The following GRPR variants were observed in gnomAD, a reference collection of about 807,000 sequenced individuals.
GRPR encodes gastrin-releasing peptide receptor.
Under a neutral mutation model 15.6 loss-of-function variants are expected in GRPR, and 4 were observed. That is an observed-to-expected ratio of 0.26 (90% CI 0.13 to 0.59). The LOEUF (loss-of-function observed/expected upper bound fraction) is 0.59, where lower values mean the gene tolerates loss of function less well. Among genes scored for constraint, GRPR ranks in the 20% least tolerant of loss-of-function variants. The pLI, the probability that GRPR is intolerant of heterozygous loss-of-function variation, is 0.90. For synonymous variants in GRPR, 128 were observed against 126.8 expected, an observed-to-expected ratio of 1.01 and a Z score of -0.06; for missense variants, 270 against 304.1, an observed-to-expected ratio of 0.89 and a Z score of 0.83.
intron 1 of GRPR, among the ~76,000 whole-genome samples, chrX:16,129,936 C>T (rs1922352878): frequency 9.0e-6 from 1 of 111,545 alleles, no homozygotes; most frequent in African/African-American, 3.3e-5. Flanking sequence ...CCACATGTGC[C>T]ACCAGACTTC....
At chrX:16,150,975 ACTT>A (rs771968024) in intron 2 of GRPR, among the ~76,000 whole-genome samples, 86 of 112,204 alleles carry the variant, frequency 7.7e-4, no homozygotes, top group African/African-American at 2.6e-3. Context: ...TGGGGATGTG[ACTT>A]CTTTAAACTC....
intron 1 of GRPR, among the ~76,000 whole-genome samples, chrX:16,128,771 G>A (rs1922335146): frequency 9.1e-6 from 1 of 109,993 alleles, no homozygotes; most frequent in Non-Finnish European, 1.9e-5. Flanking sequence ...ACATGTATGA[G>A]TGGACAGATG....
intron 1 of GRPR, among the ~76,000 whole-genome samples, chrX:16,129,731 A>G (rs781732869): frequency 2.7e-5 from 3 of 111,661 alleles, no homozygotes; most frequent in Non-Finnish European, 5.7e-5. Flanking sequence ...GAATTTAGGC[A>G]TCCCATTGAT....
intron 1 of GRPR, among the ~76,000 whole-genome samples, chrX:16,149,535 A>G (rs1380064063): frequency 9.1e-6 from 1 of 109,395 alleles, no homozygotes; most frequent in Non-Finnish European, 1.9e-5. Flanking sequence ...TTACTTTTTC[A>G]AGGGACCATT....
chrX:16,152,861 TC>T lies in GRPR; in HGVS notation c.*217del. ...TTCATTTCAACTTGTGAACGTTTCT[TC>T]TGATGTGAAGCAAACCTTCCCTTTT... On this transcript the variant is annotated 3_prime_UTR_variant, in exon 3 of 3. Coordinates refer to ENST00000380289, the MANE Select transcript of GRPR (RefSeq NM_005314.3). The T allele has an allele frequency of 2.3e-6, 1 of 427,576 alleles. No individual in the cohort carries two copies. 35.2% of individuals were successfully genotyped at this position (427,576 alleles called of 1,213,427 possible). A position where few individuals can be genotyped will look rare whatever the true frequency, so the allele number is the denominator to read the frequency against.
At chrX:16,144,018 A>G (rs1922568268) in intron 1 of GRPR, among the ~76,000 whole-genome samples, 1 of 112,052 alleles carries the variant, frequency 8.9e-6, no homozygotes. Context: ...CCAGGTCTGC[A>G]TTGGAGCCCA....
chrX:16,133,293 A>T (rs1330598887), intron 1 of GRPR, among the ~76,000 whole-genome samples: 1 of 111,931 alleles, frequency 8.9e-6, no homozygotes, highest in Non-Finnish European at 1.9e-5. Flanking sequence ...ATGTAAAAAT[A>T]ATAGGACACT....
intron 1 of GRPR, among the ~76,000 whole-genome samples, chrX:16,142,245 A>G (rs987135100): frequency 5.3e-5 from 6 of 112,345 alleles, no homozygotes; most frequent in Non-Finnish European, 5.6e-5. Flanking sequence ...TTTAACAAAA[A>G]ATATTTAAAG....
At chrX:16,134,746 C>A (rs2147032409) in intron 1 of GRPR, among the ~76,000 whole-genome samples, 1 of 110,795 alleles carries the variant, frequency 9.0e-6, no homozygotes, top group East Asian at 2.8e-4. Context: ...CTCGGATCAG[C>A]TCTCACTTTC....
At chrX:16,134,431 A>G (rs945096288) in intron 1 of GRPR, among the ~76,000 whole-genome samples, 1 of 112,344 alleles carries the variant, frequency 8.9e-6, no homozygotes, top group Non-Finnish European at 1.9e-5. Flanking sequence ...GTTTCTATTT[A>G]TGTATCAAGA....
At chrX:16,134,757 T>TCTG (rs1922424547) in intron 1 of GRPR, among the ~76,000 whole-genome samples, 1 of 111,073 alleles carries the variant, frequency 9.0e-6, no homozygotes, top group Non-Finnish European at 1.9e-5. Flanking sequence ...TCTCACTTTC[T>TCTG]CTGCTGCTGC....
chrX:16,137,173 C>A (rs1176812237), intron 1 of GRPR, among the ~76,000 whole-genome samples: 4 of 111,726 alleles, frequency 3.6e-5, no homozygotes, highest in Non-Finnish European at 7.5e-5. Flanking sequence ...ACTGTCATAT[C>A]ATGAACATTA....
intron 1 of GRPR, among the ~76,000 whole-genome samples, chrX:16,126,351 AC>A (rs1404022093): frequency 8.9e-6 from 1 of 112,114 alleles, no homozygotes; most frequent in Non-Finnish European, 1.9e-5. Context: ...TTAAGACTGT[AC>A]TTTTTTTCTA....
intron 1 of GRPR, among the ~76,000 whole-genome samples, chrX:16,148,437 G>A (rs1487636240): frequency 3.6e-5 from 4 of 111,427 alleles, no homozygotes; most frequent in Non-Finnish European, 7.5e-5. Context: ...TCCCTGGTAG[G>A]AGGAGGAAAG....
chrX:16,125,819 T>A (rs1033259930), intron 1 of GRPR, among the ~76,000 whole-genome samples: 1 of 111,527 alleles, frequency 9.0e-6, no homozygotes, highest in Non-Finnish European at 1.9e-5. Context: ...TGCCCACAGA[T>A]ACCAATGACC....
intron 1 of GRPR, among the ~76,000 whole-genome samples, chrX:16,124,595 C>T (rs1289214613): frequency 1.8e-5 from 2 of 111,495 alleles, no homozygotes; most frequent in Admixed American, 9.5e-5. Flanking sequence ...AAAAAAAAAT[C>T]TCTAAGCAGA....
rs191325951 is a variant in GRPR, at chrX:16,140,265, A to T, written c.414-10040A>T. On this transcript the variant is annotated intron_variant, in intron 1 of 2. Coordinates refer to ENST00000380289, the MANE Select transcript of GRPR (RefSeq NM_005314.3). ...ACAGTGACTCATATGCCATGATGGTATTTTTGAGCTGTAATGATTCTTATT... is the reference window on the plus strand; with the variant it reads ...ACAGTGACTCATATGCCATGATGGTTTTTTTGAGCTGTAATGATTCTTATT... Among the ~76,000 whole-genome samples, 9 of 112,424 alleles carry T rather than the reference A, an allele frequency of 8.0e-5. No homozygotes were observed. In the East Asian group the frequency reaches 2.2e-3, roughly 28 times the overall value.
chrX:16,150,650 GA>G lies in GRPR; in HGVS notation c.761del (p.Lys254SerfsTer64). On this transcript the variant is annotated frameshift_variant, in exon 2 of 3. Transcript: ENST00000380289. LOFTEE classifies it high-confidence loss of function. ...LPVEGNIHVKKQIESRKRLAK... is the reference protein window; with the variant it reads ...LPVEGNIHVKXQIESRKRLAK... ...CCGTGGAAGGGAATATACATGTCAAGAAGCAGGTAGGTGCTCAGGATTGATT... is the reference window on the plus strand; with the variant it reads ...CCGTGGAAGGGAATATACATGTCAAGAGCAGGTAGGTGCTCAGGATTGATT... The G allele has an allele frequency of 9.1e-7, 1 of 1,095,375 alleles. No homozygotes were observed. Among genetic ancestry groups the G allele is most frequent in the Non-Finnish European group, 1.3e-6 (1 of 789,228 alleles). The allele number at this position is 1,095,375 out of a possible 1,213,427, so 90.3% of individuals were successfully genotyped here. A position where few individuals can be genotyped will look rare whatever the true frequency, so the allele number is the denominator to read the frequency against.
At chrX:16,148,510 AC>A (rs1167581329) in intron 1 of GRPR, among the ~76,000 whole-genome samples, 2 of 111,500 alleles carry the variant, frequency 1.8e-5, no homozygotes, top group Non-Finnish European at 3.8e-5. Flanking sequence ...CAACATGAAA[AC>A]AAGTGGAAAT....
Sources: gnomAD v4.1 joint callset for allele counts (sites outside exome capture counted in the v4.1 genomes callset) on GRCh38, gnomAD v4.1.1 for gene constraint, MANE v1.5 for transcripts, NCBI Gene and HGNC (gene_info 2026-07-23, HGNC 2026-07-21) for gene names.